Variants in RRM1 observed in about 807,000 individuals in gnomAD.
RRM1 encodes the protein ribonucleotide reductase catalytic subunit M1, also known as ribonucleoside-diphosphate reductase large subunit.
In RRM1, 19 loss-of-function variants were observed where a neutral mutation model predicts 101.5. The ratio of observed to expected loss-of-function variants is 0.19; its 90% CI spans 0.13 to 0.27. The LOEUF is 0.27. RRM1 is among the 10% of genes least tolerant of loss of function. The pLI, the probability that RRM1 is intolerant of heterozygous loss-of-function variation, is 1.00. For synonymous variants in RRM1, 298 were observed against 323.4 expected, an observed-to-expected ratio of 0.92 and a Z score of 0.84; for missense variants, 500 against 962.9, an observed-to-expected ratio of 0.52 and a Z score of 6.36.
chr11:4,123,492 T>C, intron 12 of RRM1, 108 bp downstream of exon 12: 1 of 867,646 alleles, frequency 1.2e-6, no homozygotes, highest in Admixed American at 2.0e-5. Flanking sequence ...GGAGTTTGCA[T>C]AGTTGTAAGC....
intron 3 of RRM1, among the ~76,000 whole-genome samples, chr11:4,106,979 C>T (rs574423060): frequency 2.0e-5 from 3 of 151,870 alleles, no homozygotes; most frequent in Non-Finnish European, 4.4e-5. Context: ...CTGCAACCTC[C>T]GCCTCCCGGG....
In RRM1 at chr11:4,098,793, TAAG is replaced by T. The variant is rs533373595; in HGVS notation, c.20-3196_20-3194del. Among the ~76,000 whole-genome samples, 224 of 152,188 alleles carry T rather than the reference TAAG, an allele frequency of 1.5e-3. 2 individuals are homozygous for T. Among genetic ancestry groups the T allele is most frequent in the South Asian group, 2.9e-3 (14 of 4,820 alleles). On this transcript the variant is annotated intron_variant, in intron 1 of 18. Coordinates refer to ENST00000300738, the MANE Select transcript of RRM1 (RefSeq NM_001033.5). ...GGGAGTGGTAAGTGTATATAAGAAA[TAAG>T]AAGTAAACATAATAATCAGTTAATT...
In RRM1 at chr11:4,133,615, A is replaced by T; in HGVS notation, c.1958A>T (p.Glu653Val). Residue 653 changes from glutamate (E) to valine (V), a missense_variant, in exon 17 of 19, where the codon GAA (glutamate) becomes GTA (valine). Transcript: ENST00000300738. ...KDLTERGLWH[E>V]EMKNQIIACN... ...CTTACCGAGCGGGGCCTATGGCATG[A>T]AGAGATGAAAAACCAGATTATTGCA... 6.2e-7 allele frequency: 1 copy of T among 1,612,542 alleles called. No individual in the cohort carries two copies. The highest frequency in any genetic ancestry group is 8.5e-7 in the Non-Finnish European group (1 of 1,179,036).
chr11:4,110,503 T>C (rs2094563815), intron 5 of RRM1, among the ~76,000 whole-genome samples: 1 of 152,018 alleles, frequency 6.6e-6, no homozygotes, highest in African/African-American at 2.4e-5. Context: ...CATGGTGGCT[T>C]ACGCCTGTAA....
rs1281299281 is a variant in RRM1, at chr11:4,094,997, T to A, written c.-16T>A. The stretch of plus-strand genomic sequence containing the variant: ...GTCCAGTCTTGGATCCTTCAGAGCC[T>A]CAGCCACTAGCTGCGATGCATGTGA... On this transcript the variant is annotated 5_prime_UTR_variant, in exon 1 of 19. Transcript: ENST00000300738. The A allele has an allele frequency of 6.4e-7, 1 of 1,562,386 alleles. No individual in the cohort carries two copies. Among genetic ancestry groups the A allele is most frequent in the Non-Finnish European group, 8.7e-7 (1 of 1,153,248 alleles).
In RRM1 at chr11:4,122,233, T is replaced by C; in HGVS notation, c.1118+13T>C. 6.4e-7 allele frequency: 1 copy of C among 1,556,460 alleles called. No individual in the cohort carries two copies. The highest frequency in any genetic ancestry group is 8.8e-7 in the Non-Finnish European group (1 of 1,130,094). ...AACTATATGCAAGGTATGGGAAAAA[T>C]ATGAAAGAAAACAATAATGTTTTAA... is the stretch of plus-strand genomic sequence containing the variant. On this transcript the variant is annotated intron_variant, in intron 11 of 18. Coordinates refer to ENST00000300738, the MANE Select transcript of RRM1 (RefSeq NM_001033.5).
chr11:4,102,703 G>A (rs2094553266), intron 2 of RRM1, among the ~76,000 whole-genome samples: 1 of 151,788 alleles, frequency 6.6e-6, no homozygotes, highest in South Asian at 2.1e-4. Context: ...TGGAATTGTG[G>A]TTATTTAGGT....
At chr11:4,115,343 A>G (rs541408548) in intron 7 of RRM1, among the ~76,000 whole-genome samples, 1 of 152,208 alleles carries the variant, frequency 6.6e-6, no homozygotes, top group East Asian at 1.9e-4. Context: ...GTATCCTTGT[A>G]AGAGAGAGGC....
chr11:4,101,564 C>CAA (rs111257898), intron 1 of RRM1, among the ~76,000 whole-genome samples: 2 of 114,778 alleles, frequency 1.7e-5, no homozygotes, highest in Non-Finnish European at 3.7e-5. Context: ...TCCACACCCC[C>CAA]CCCCGCTCCC....
Position 4,132,535 on chromosome 11 carries a change from TA to T in RRM1, c.1905+117del. ...TTCTTAGTTTGGGTGCAAACTTTGA[TA>T]AAGACAGTCATCTTCATCTCTAATA... On this transcript the variant is annotated intron_variant, in intron 16 of 18. Transcript: ENST00000300738. This position sits in a 1 kb window ranked among gnomAD's most constrained non-coding sequence, Gnocchi z 4.1. 1.0e-6 allele frequency: 1 copy of T among 996,214 alleles called. No homozygotes were observed. Among genetic ancestry groups the T allele is most frequent in the African/African-American group, 1.6e-5 (1 of 62,124 alleles). 61.7% of individuals were successfully genotyped at this position (996,214 alleles called of 1,614,324 possible). A position where few individuals can be genotyped will look rare whatever the true frequency, so the allele number is the denominator to read the frequency against.
intron 2 of RRM1, among the ~76,000 whole-genome samples, chr11:4,104,848 C>G (rs1350793704): frequency 6.6e-6 from 1 of 152,160 alleles, no homozygotes; most frequent in Non-Finnish European, 1.5e-5. Flanking sequence ...ATACTTCTGT[C>G]TCCTTTAATT....
At chr11:4,134,282 A>G in intron 17 of RRM1, among the ~76,000 whole-genome samples, 1 of 152,170 alleles carries the variant, frequency 6.6e-6, no homozygotes, top group East Asian at 1.9e-4. Flanking sequence ...TCAGACATCA[A>G]TAATTTTTAA....
At chr11:4,098,872 T>A (rs968407747) in intron 1 of RRM1, among the ~76,000 whole-genome samples, 3 of 152,178 alleles carry the variant, frequency 2.0e-5, no homozygotes, top group African/African-American at 7.2e-5. Context: ...GTGATAAAGA[T>A]GAATGAGAAA....
chr11:4,100,597 A>C (rs2094549623), intron 1 of RRM1, among the ~76,000 whole-genome samples: 1 of 152,234 alleles, frequency 6.6e-6, no homozygotes, highest in Admixed American at 6.5e-5. Flanking sequence ...TAGGTGCACA[A>C]AAGAGACAAA....
chr11:4,113,065 A>C (rs180836925), intron 7 of RRM1, among the ~76,000 whole-genome samples: 75 of 152,286 alleles, frequency 4.9e-4, no homozygotes, highest in African/African-American at 1.7e-3. Flanking sequence ...TAACAGGATT[A>C]ATGATGATGC....
At position 4,138,598 on chromosome 11, in the gene RRM1, G is replaced by C; in HGVS notation, c.*215G>C. The stretch of plus-strand genomic sequence containing the variant: ...ACCAAAATAATGCTTTTGAAAAAAA[G>C]AAAAAAAAAACGGATATATTGAGAA... On this transcript the variant is annotated 3_prime_UTR_variant, in exon 19 of 19. Coordinates refer to ENST00000300738, the MANE Select transcript of RRM1 (RefSeq NM_001033.5). 1 of 300,748 alleles carries C rather than the reference G, an allele frequency of 3.3e-6. No homozygotes were observed. Among genetic ancestry groups the C allele is most frequent in the Non-Finnish European group, 6.0e-6 (1 of 166,292 alleles). 18.6% of individuals were successfully genotyped at this position (300,748 alleles called of 1,614,324 possible). A position where few individuals can be genotyped will look rare whatever the true frequency, so the allele number is the denominator to read the frequency against.
In RRM1 at chr11:4,127,191, A is replaced by G; in HGVS notation, c.1627A>G (p.Ser543Gly). 6.2e-7 allele frequency: 1 copy of G among 1,613,552 alleles called. No individual in the cohort carries two copies. Among genetic ancestry groups the G allele is most frequent in the Non-Finnish European group, 8.5e-7 (1 of 1,179,814 alleles). ...ETIYYGALEA[S>G]CDLAKEQGPY... The stretch of plus-strand genomic sequence containing the variant: ...TATTTATTATGGTGCTCTGGAAGCC[A>G]GCTGTGACCTTGCCAAGGAGCAGGG... The change falls in exon 14 of 19, where the codon AGC (serine) becomes GGC (glycine). Residue 543 changes from serine (S) to glycine (G), a missense_variant. Transcript: ENST00000300738.
chr11:4,095,460 C>T (rs1322936844), intron 1 of RRM1, among the ~76,000 whole-genome samples: 1 of 152,148 alleles, frequency 6.6e-6, no homozygotes, highest in Non-Finnish European at 1.5e-5. Context: ...ATTTGAAAAC[C>T]GTGGGGTTGG....
chr11:4,123,146 G>T, intron 11 of RRM1, 37 bp from the exon 12 acceptor site: 5 of 1,496,642 alleles, frequency 3.3e-6, no homozygotes, highest in Non-Finnish European at 2.7e-6. Flanking sequence ...GTTTTTTTAG[G>T]GAATATATAT....
Sources: gnomAD v4.1 joint callset for allele counts (sites outside exome capture counted in the v4.1 genomes callset) on GRCh38, gnomAD v4.1.1 for gene constraint, Gnocchi (gnomAD v3.1) non-coding constraint, MANE v1.5 for transcripts, NCBI Gene and HGNC (gene_info 2026-07-23, HGNC 2026-07-21) for gene names.